Variants in CCDC175 observed in about 807,000 individuals in gnomAD.
CCDC175 encodes the protein coiled-coil domain-containing protein 175.
CCDC175 carries 100 observed loss-of-function variants against 114.6 expected under a neutral mutation model. That is an observed-to-expected ratio of 0.87 (90% CI 0.74 to 1.03). CCDC175 has a LOEUF of 1.03. Ranked by LOEUF, CCDC175 falls within the 50% of genes least tolerant of loss-of-function variation. CCDC175 has a pLI of 0.00. For synonymous variants in CCDC175, 306 were observed against 308.7 expected (o/e 0.99, Z 0.09); for missense variants, 880 against 917.8 (o/e 0.96, Z 0.53).
At chr14:59,516,277 C>T (rs1893080003) in intron 17 of CCDC175, among the ~76,000 whole-genome samples, 1 of 152,124 alleles carries the variant, frequency 6.6e-6, no homozygotes, top group African/African-American at 2.4e-5. Flanking sequence ...CAAGAGCAAA[C>T]ACATTCAAAA....
At chr14:59,552,057 A>T (rs1012071271) in intron 7 of CCDC175, among the ~76,000 whole-genome samples, 12 of 152,226 alleles carry the variant, frequency 7.9e-5, no homozygotes, top group African/African-American at 2.9e-4. Flanking sequence ...ACATAGCCGA[A>T]CAAAAGGCAG....
intron 3 of CCDC175, among the ~76,000 whole-genome samples, chr14:59,569,029 G>T (rs1038149306): frequency 2.0e-4 from 30 of 152,202 alleles, no homozygotes; most frequent in African/African-American, 7.0e-4. Flanking sequence ...GGAACCCAAT[G>T]TATTAAAGAA....
rs1280364702 is a variant in CCDC175, at chr14:59,576,696, G to A, written c.80C>T (p.Ser27Phe). ...VQAAAVSTGP[S>F]LELCTLPSTL... is the part of the protein sequence containing the mutation. ...GGAGGGTAAGGTGCATAACTCCAGG[G>A]AGGGGCCAGTGGAGACGGCAGCCGC... The change falls in exon 1 of 20, where the codon TCC (serine) becomes TTC (phenylalanine). Residue 27 changes from serine to phenylalanine, a missense_variant. Transcript: ENST00000537690. 9.4e-6 allele frequency: 14 copies of A among 1,487,432 alleles called. No homozygotes were observed. The highest frequency in any genetic ancestry group is 2.2e-4 in the Middle Eastern group (1 of 4,504). The allele number at this position is 1,487,432 out of a possible 1,614,324, so 92.1% of individuals were successfully genotyped here.
At chr14:59,567,773 G>A (rs772214423) in intron 4 of CCDC175, among the ~76,000 whole-genome samples, 1 of 152,124 alleles carries the variant, frequency 6.6e-6, no homozygotes, top group Non-Finnish European at 1.5e-5. Context: ...CAGTCCTTCA[G>A]TGGATTACAA....
At chr14:59,575,526 T>A (rs74696702) in intron 1 of CCDC175, among the ~76,000 whole-genome samples, 1 of 103,436 alleles carries the variant, frequency 9.7e-6, no homozygotes, top group African/African-American at 3.9e-5. Context: ...TTTTTTTTTT[T>A]TGAGACGGAG....
intron 3 of CCDC175, 63 bp from the exon 4 acceptor site, chr14:59,568,443 T>C: frequency 2.3e-6 from 3 of 1,284,564 alleles, no homozygotes; most frequent in Non-Finnish European, 3.1e-6. Flanking sequence ...AGATACTGAC[T>C]TTCACGCAAA....
At chr14:59,518,313 T>C (rs1206124895) in intron 17 of CCDC175, among the ~76,000 whole-genome samples, 1 of 151,990 alleles carries the variant, frequency 6.6e-6, no homozygotes, top group Non-Finnish European at 1.5e-5. Flanking sequence ...AAGCCAAAAT[T>C]GACAAATGGG....
At chr14:59,533,013 C>T (rs887706394) in intron 13 of CCDC175, among the ~76,000 whole-genome samples, 5 of 152,190 alleles carry the variant, frequency 3.3e-5, no homozygotes, top group Non-Finnish European at 7.3e-5. Flanking sequence ...TTTAGCAGGG[C>T]AGTGCCAGGC....
rs972904882 is a variant in CCDC175 at position 59,552,562 on chromosome 14, T to TC, written c.954-1127dup. ...TGAAAATTCTAAAAATCAGAGCACC[T>TC]CCCCCCCTCCAAAAGAACACAGCTC... is the stretch of plus-strand genomic sequence containing the variant. On this transcript the variant is annotated intron_variant, in intron 7 of 19. Transcript: ENST00000537690. Among the ~76,000 whole-genome samples the TC allele has an allele frequency of 1.1e-4, 17 of 151,392 alleles. 1 individual carries two copies. The highest frequency in any genetic ancestry group is 9.2e-4 in the Admixed American group (14 of 15,182).
At chr14:59,512,807 T>TGTGG (rs1317852409) in intron 17 of CCDC175, among the ~76,000 whole-genome samples, 1 of 4,094 alleles carries the variant, frequency 2.4e-4, no homozygotes, top group Non-Finnish European at 5.8e-4. Context: ...TCAGCAGGGG[T>TGTGG]GTGTGTGTGT....
intron 7 of CCDC175, among the ~76,000 whole-genome samples, chr14:59,555,122 G>A (rs894174849): frequency 2.0e-5 from 3 of 152,166 alleles, no homozygotes; most frequent in Non-Finnish European, 4.4e-5. Flanking sequence ...TATGAGGCCA[G>A]CATCATCCTG....
At chr14:59,542,635 A>G (rs1024944776) in intron 10 of CCDC175, among the ~76,000 whole-genome samples, 4 of 152,240 alleles carry the variant, frequency 2.6e-5, no homozygotes, top group African/African-American at 9.6e-5. Flanking sequence ...ATGCAGTTAG[A>G]GAAAAGATTG....
At chr14:59,529,055 A>C (rs960693933) in intron 14 of CCDC175, among the ~76,000 whole-genome samples, 1 of 152,176 alleles carries the variant, frequency 6.6e-6, no homozygotes, top group Non-Finnish European at 1.5e-5. Flanking sequence ...GATCCCATTT[A>C]ATAGTCCTGG....
intron 17 of CCDC175, among the ~76,000 whole-genome samples, chr14:59,517,281 A>G (rs1482809110): frequency 7.2e-5 from 11 of 152,182 alleles, no homozygotes; most frequent in Non-Finnish European, 1.0e-4. Flanking sequence ...GCCCTCTCTC[A>G]CCACTCCTAT....
chr14:59,543,332 C>T lies in CCDC175; in HGVS notation c.1283+12G>A, dbSNP rs866846070. The stretch of plus-strand genomic sequence containing the variant: ...AAGTAAAGATAAAAAATTTCAAAGG[C>T]AACAAACATACTGTTGAAGTTCCTG... On this transcript the variant is annotated intron_variant, in intron 10 of 19. Transcript: ENST00000537690. 5.8e-6 allele frequency: 6 copies of T among 1,031,032 alleles called. No individual in the cohort carries two copies. Among genetic ancestry groups the T allele is most frequent in the Middle Eastern group, 4.2e-4 (2 of 4,780 alleles). The allele number at this position is 1,031,032 out of a possible 1,614,324, so 63.9% of individuals were successfully genotyped here.
intron 17 of CCDC175, among the ~76,000 whole-genome samples, chr14:59,518,854 A>G (rs1479828184): frequency 6.6e-6 from 1 of 152,184 alleles, no homozygotes; most frequent in Non-Finnish European, 1.5e-5. Context: ...TGCTGCTATA[A>G]AGACACATGC....
In CCDC175 at chr14:59,531,841, G is replaced by T; in HGVS notation, c.1693C>A (p.Leu565Ile). The change falls in exon 14 of 20, where the codon CTT (leucine) becomes ATT (isoleucine). Residue 565 changes from leucine to isoleucine, a missense_variant. Leu to Ile is a conservative substitution (Grantham distance 5). Coordinates refer to ENST00000537690, the MANE Select transcript of CCDC175 (RefSeq NM_001164399.2). Reference sequence around the variant, plus strand: ...TTATACTCTTGTTCTGCCACCTGAAGTTGTGGAAGATACTCAACTAGTTCT... The same window carrying T: ...TTATACTCTTGTTCTGCCACCTGAATTTGTGGAAGATACTCAACTAGTTCT... ...EEELVEYLPQ[L>I]QVAEQEYKEK... is the part of the protein sequence containing the mutation. The T allele has an allele frequency of 1.4e-6, 2 of 1,444,722 alleles. No individual in the cohort carries two copies. Among genetic ancestry groups the T allele is most frequent in the Non-Finnish European group, 1.9e-6 (2 of 1,065,916 alleles). The allele number at this position is 1,444,722 out of a possible 1,614,324, so 89.5% of individuals were successfully genotyped here.
intron 6 of CCDC175, among the ~76,000 whole-genome samples, chr14:59,562,400 C>G (rs1051284451): frequency 6.6e-6 from 1 of 152,162 alleles, no homozygotes; most frequent in Admixed American, 6.5e-5. Context: ...AACAAACTAC[C>G]AAATATAATG....
intron 5 of CCDC175, 94 bp from the exon 6 acceptor site, chr14:59,563,953 T>C: frequency 1.3e-6 from 1 of 778,138 alleles, no homozygotes; most frequent in Non-Finnish European, 1.8e-6. Context: ...CTAATTCATA[T>C]TTAATCTAAG....
Sources: allele counts gnomAD v4.1 joint callset (sites outside exome capture counted in the v4.1 genomes callset), GRCh38; gene constraint gnomAD v4.1.1; transcripts MANE v1.5; gene names NCBI Gene and HGNC (gene_info 2026-07-23, HGNC 2026-07-21).